IFT81: variants seen among roughly 807,000 people sequenced by gnomAD.
The protein encoded by IFT81 is intraflagellar transport protein 81 homolog.
Under a neutral mutation model 102.6 loss-of-function variants are expected in IFT81, and 72 were observed. The observed-to-expected ratio is 0.70, with a 90% CI of 0.58 to 0.85. IFT81 has a LOEUF of 0.85. Ranked by LOEUF, IFT81 falls within the 40% of genes least tolerant of loss-of-function variation. IFT81 has a pLI of 0.00. For synonymous variants in IFT81, 237 were observed against 242.7 expected (o/e 0.98, Z 0.22); for missense variants, 723 against 787.3 (o/e 0.92, Z 0.98).
rs1894393210 is a variant in IFT81 at position 110,135,008 on chromosome 12, A to G, written c.580A>G (p.Lys194Glu). Residue 194 changes from lysine (K) to glutamate (E), a missense_variant, in exon 6 of 19, where the codon AAA becomes GAA. Transcript: ENST00000242591. ...CATTAAGAGAGTTGAACATTTGAAGAAAAGGGTAAGGCAGAATTAGTACTG... is the reference window on the plus strand; with the variant it reads ...CATTAAGAGAGTTGAACATTTGAAGGAAAGGGTAAGGCAGAATTAGTACTG... ...QLIKRVEHLK[K>E]RVETAQNHQW... 6.2e-7 allele frequency: 1 copy of G among 1,607,974 alleles called. No homozygotes were observed. Among genetic ancestry groups the G allele is most frequent in the Non-Finnish European group, 8.5e-7 (1 of 1,177,074 alleles).
At chr12:110,209,279 T>C in intron 18 of IFT81, 63 bp downstream of exon 18, 2 of 761,100 alleles carry the variant, frequency 2.6e-6, no homozygotes, top group Non-Finnish European at 4.3e-6. Context: ...GTACTGTACA[T>C]GGTTTATGAC....
At chr12:110,152,510 T>C (rs995469814) in intron 10 of IFT81, among the ~76,000 whole-genome samples, 2 of 152,222 alleles carry the variant, frequency 1.3e-5, no homozygotes, top group Non-Finnish European at 2.9e-5. Context: ...TTTTTTGATA[T>C]TGAGTTGAGT....
intron 10 of IFT81, among the ~76,000 whole-genome samples, chr12:110,157,016 T>G (rs1160127662): frequency 6.7e-6 from 1 of 148,670 alleles, no homozygotes; most frequent in Non-Finnish European, 1.5e-5. Context: ...ACAGTTTGAT[T>G]TTTTTTTTTT....
intron 11 of IFT81, among the ~76,000 whole-genome samples, chr12:110,170,409 A>G (rs1896676837): frequency 2.6e-5 from 4 of 152,210 alleles, no homozygotes; most frequent in Admixed American, 6.5e-5. Flanking sequence ...ATAGGCAGCA[A>G]TCTCAGCTTG....
chr12:110,218,101 G>A lies in IFT81; in HGVS notation c.1906G>A (p.Ala636Thr). Residue 636 changes from alanine to threonine, a missense_variant, in exon 19 of 19, where the codon GCA becomes ACA. Physicochemically the swap from Ala to Thr is moderately conservative, Grantham distance 58. Coordinates refer to ENST00000242591, the MANE Select transcript of IFT81 (RefSeq NM_014055.4). The part of the protein sequence containing the change: ...RESHGPNMKQ[A>T]KMWRDLEQLM... ...AAGTCATGGTCCAAATATGAAACAA[G>A]CAAAAATGTGGCGTGATTTGGAACA... 1.2e-6 allele frequency: 2 copies of A among 1,603,286 alleles called. No homozygotes were observed. Among genetic ancestry groups the A allele is most frequent in the South Asian group, 1.1e-5 (1 of 88,296 alleles).
chr12:110,214,073 C>T (rs1254761976), intron 18 of IFT81, among the ~76,000 whole-genome samples: 1 of 152,118 alleles, frequency 6.6e-6, no homozygotes, highest in Non-Finnish European at 1.5e-5. Context: ...AAGCTGATTC[C>T]TCCATTTACT....
At chr12:110,137,459 C>G (rs1207461446) in intron 8 of IFT81, among the ~76,000 whole-genome samples, 1 of 151,900 alleles carries the variant, frequency 6.6e-6, no homozygotes, top group East Asian at 2.0e-4. Context: ...CATGGCTGGG[C>G]GTGGTAGCTC....
At chr12:110,153,732 T>C (rs1895675224) in intron 10 of IFT81, among the ~76,000 whole-genome samples, 2 of 150,766 alleles carry the variant, frequency 1.3e-5, no homozygotes, top group African/African-American at 4.9e-5. Flanking sequence ...TGCCTCAGCC[T>C]CCCGAGTAGC....
Position 110,146,946 on chromosome 12 carries a change from A to G in IFT81, c.946-7A>G. 1.3e-6 allele frequency: 2 copies of G among 1,595,352 alleles called. No individual in the cohort carries two copies. The highest frequency in any genetic ancestry group is 8.5e-7 in the Non-Finnish European group (1 of 1,172,378). ...AACTTTTTTTTTTTGCTTTCATGCT[A>G]TTTTAGATAAATGAAATAAACACAG... On this transcript the variant is annotated splice_region_variant and splice_polypyrimidine_tract_variant and intron_variant, in intron 9 of 18. Coordinates refer to ENST00000242591, the MANE Select transcript of IFT81 (RefSeq NM_014055.4).
intron 5 of IFT81, 62 bp from the exon 6 acceptor site, chr12:110,134,886 T>G: frequency 8.2e-7 from 1 of 1,226,268 alleles, no homozygotes; most frequent in South Asian, 1.3e-5. Flanking sequence ...AAATAAAACC[T>G]TATCTGTTTC....
At chr12:110,140,530 AT>A (rs1050042991) in intron 8 of IFT81, among the ~76,000 whole-genome samples, 1 of 152,174 alleles carries the variant, frequency 6.6e-6, no homozygotes, top group African/African-American at 2.4e-5. Context: ...TTATTTGAGA[AT>A]TTTAAATCTT....
chr12:110,132,970 C>CTTTTT (rs11349893), intron 5 of IFT81, among the ~76,000 whole-genome samples: 2 of 124,956 alleles, frequency 1.6e-5, no homozygotes, highest in African/African-American at 6.4e-5. Flanking sequence ...CTTTCTCTCT[C>CTTTTT]TTTTTTTTTT....
intron 18 of IFT81, among the ~76,000 whole-genome samples, chr12:110,211,354 T>G (rs1377907114): frequency 6.6e-6 from 1 of 151,946 alleles, no homozygotes; most frequent in Non-Finnish European, 1.5e-5. Context: ...GGAGCTAGTT[T>G]TTTTGGAGAA....
chr12:110,183,672 G>C (rs1897400014), intron 12 of IFT81, among the ~76,000 whole-genome samples: 2 of 152,112 alleles, frequency 1.3e-5, no homozygotes, highest in African/African-American at 4.8e-5. Flanking sequence ...ATTATACTTA[G>C]TGCCTACTCC....
At chr12:110,142,532 C>G (rs1289193993) in intron 8 of IFT81, among the ~76,000 whole-genome samples, 3 of 152,014 alleles carry the variant, frequency 2.0e-5, no homozygotes, top group Non-Finnish European at 2.9e-5. Flanking sequence ...TTGAAGCTGA[C>G]AAATGATAAT....
chr12:110,139,864 AAT>A (rs370086523), intron 8 of IFT81, among the ~76,000 whole-genome samples: 201 of 88,254 alleles, frequency 2.3e-3, no homozygotes, highest in African/African-American at 6.8e-3. Context: ...AATAAAATAA[AAT>A]ATAAAATAAA....
rs768454129 is a variant in IFT81 at position 110,163,040 on chromosome 12, G to A, written c.1163G>A (p.Gly388Asp). The change falls in exon 11 of 19, where the codon GGT becomes GAT. Residue 388 changes from glycine (G) to aspartate (D), a missense_variant. Physicochemically the swap from Gly to Asp is moderately conservative, Grantham distance 94. Transcript: ENST00000242591. ...VKRNQTREFD[G>D]TEVLKGDEFK... ...AGAAATCAGACCCGTGAATTTGATG[G>A]TACTGAAGTTTTAAAGGGAGATGAG... 1 of 1,613,942 alleles carries A rather than the reference G, an allele frequency of 6.2e-7. No homozygotes were observed. The highest frequency in any genetic ancestry group is 1.1e-5 in the South Asian group (1 of 91,068).
At chr12:110,131,940 G>C (rs1894188512) in intron 4 of IFT81, among the ~76,000 whole-genome samples, 1 of 152,180 alleles carries the variant, frequency 6.6e-6, no homozygotes, top group African/African-American at 2.4e-5. Context: ...AGATGTATAA[G>C]CTGGACGTGA....
At chr12:110,126,081 A>G (rs1046924673) in intron 1 of IFT81, among the ~76,000 whole-genome samples, 2 of 152,170 alleles carry the variant, frequency 1.3e-5, no homozygotes, top group African/African-American at 4.8e-5. Flanking sequence ...GATCCAGACC[A>G]TCCTGGCTAA....
Sources: gnomAD v4.1 joint callset for allele counts (sites outside exome capture counted in the v4.1 genomes callset) on GRCh38, gnomAD v4.1.1 for gene constraint, MANE v1.5 for transcripts, NCBI Gene and HGNC (gene_info 2026-07-23, HGNC 2026-07-21) for gene names.